TBC1D22A: variants seen among roughly 807,000 people sequenced by gnomAD.
TBC1D22A encodes the protein TBC1 domain family member 22A.
In TBC1D22A, 38 loss-of-function variants were observed where a neutral mutation model predicts 60.2. The ratio of observed to expected loss-of-function variants is 0.63; its 90% CI spans 0.49 to 0.83. The LOEUF is 0.83. Among genes scored for constraint, TBC1D22A ranks in the 40% least tolerant of loss-of-function variants. TBC1D22A has a pLI of 0.00. For synonymous variants in TBC1D22A, 302 were observed against 281.7 expected (o/e 1.07, Z -0.72); for missense variants, 628 against 701.0 (o/e 0.90, Z 1.18).
At chr22:47,090,492 G>A (rs1392277490) in intron 11 of TBC1D22A, among the ~76,000 whole-genome samples, 2 of 152,228 alleles carry the variant, frequency 1.3e-5, no homozygotes, top group African/African-American at 2.4e-5. Flanking sequence ...CAACATGCAT[G>A]CCCTTTACTG....
intron 7 of TBC1D22A, among the ~76,000 whole-genome samples, chr22:46,909,704 A>T (rs2069761978): frequency 1.3e-5 from 2 of 151,600 alleles, no homozygotes; most frequent in South Asian, 4.2e-4. Context: ...CCTGCTCCTG[A>T]CCCTTTTGGG....
intron 8 of TBC1D22A, among the ~76,000 whole-genome samples, chr22:46,941,487 TATATATACAC>T: frequency 7.0e-6 from 1 of 143,736 alleles, no homozygotes; most frequent in Non-Finnish European, 1.5e-5. Flanking sequence ...ATATACGGAA[TATATATACAC>T]GGAATATATA....
At chr22:47,150,572 C>G (rs901732216) in intron 12 of TBC1D22A, among the ~76,000 whole-genome samples, 1 of 152,352 alleles carries the variant, frequency 6.6e-6, no homozygotes, top group Admixed American at 6.5e-5. Flanking sequence ...CGAGCCGCCT[C>G]TGCACCTGGG....
chr22:47,096,461 T>TTATAG, intron 11 of TBC1D22A, among the ~76,000 whole-genome samples: 1 of 152,336 alleles, frequency 6.6e-6, no homozygotes, highest in Non-Finnish European at 1.5e-5. Context: ...GAAATCTTAA[T>TTATAG]TATAGTGTCT....
intron 4 of TBC1D22A, among the ~76,000 whole-genome samples, chr22:46,869,472 G>A (rs747738371): frequency 1.3e-5 from 2 of 152,190 alleles, no homozygotes; most frequent in Admixed American, 6.5e-5. Flanking sequence ...ATTGGCACCC[G>A]CCAATGGGAT....
In TBC1D22A at chr22:47,110,199, G is replaced by A. The variant is rs183329942; in HGVS notation, c.1330-1309G>A. ...GCCATGTGTCTAAATGCCTTTTCTGGCCAGGCACGGTGGCTCACACTTGTA... is the reference window on the plus strand; with the variant it reads ...GCCATGTGTCTAAATGCCTTTTCTGACCAGGCACGGTGGCTCACACTTGTA... On this transcript the variant is annotated intron_variant, in intron 11 of 12. Coordinates refer to ENST00000337137, the MANE Select transcript of TBC1D22A (RefSeq NM_014346.5). 2.4e-3 allele frequency among the ~76,000 whole-genome samples: 363 copies of A among 152,236 alleles called. 2 individuals are homozygous for A. The highest frequency in any genetic ancestry group is 8.2e-3 in the African/African-American group (341 of 41,544).
chr22:46,770,272 C>T (rs1569354715), intron 1 of TBC1D22A, among the ~76,000 whole-genome samples: 1 of 152,214 alleles, frequency 6.6e-6, no homozygotes, highest in Admixed American at 6.5e-5. Flanking sequence ...AGAGCAAGGC[C>T]TTGCTCCTGC....
chr22:47,037,052 C>T lies in TBC1D22A; in HGVS notation c.1202-19C>T, dbSNP rs764789348. ...AGGGCTCCCCTGACAGCCTTGGGGC[C>T]TGTGTTTGTTTTGTGCAGAGCAAGT... On this transcript the variant is annotated intron_variant, in intron 10 of 12. Transcript: ENST00000337137. 3.1e-6 allele frequency: 5 copies of T among 1,612,860 alleles called. No homozygotes were observed. Among genetic ancestry groups the T allele is most frequent in the Non-Finnish European group, 4.2e-6 (5 of 1,179,314 alleles).
At chr22:46,921,751 G>GT (rs201148203) in intron 8 of TBC1D22A, among the ~76,000 whole-genome samples, 5,001 of 145,020 alleles carry the variant, frequency 0.034, 239 homozygotes, top group African/African-American at 0.11. Context: ...CACAGCATCT[G>GT]TTTTTTTTTT....
intron 7 of TBC1D22A, among the ~76,000 whole-genome samples, chr22:46,905,786 G>C (rs5769227): frequency 6.6e-6 from 1 of 152,052 alleles, no homozygotes; most frequent in South Asian, 2.1e-4. Flanking sequence ...ACCTGTGGGC[G>C]GGCAGGAATC....
chr22:47,121,915 T>C (rs1206678815), intron 12 of TBC1D22A, among the ~76,000 whole-genome samples: 1 of 151,640 alleles, frequency 6.6e-6, no homozygotes, highest in Non-Finnish European at 1.5e-5. Flanking sequence ...GCCCCTCGGG[T>C]GTCCTGCCGT....
chr22:46,917,267 A>G (rs576928853), intron 8 of TBC1D22A, among the ~76,000 whole-genome samples: 3 of 152,348 alleles, frequency 2.0e-5, no homozygotes, highest in African/African-American at 7.2e-5. Context: ...GGTCCAGGGC[A>G]TCTTAGAGTT....
chr22:46,875,198 A>T lies in TBC1D22A; in HGVS notation c.638-3455A>T, dbSNP rs575740806. Reference sequence around the variant, plus strand: ...TGTAAACAAGTTGTGGTATATTCTTAGAATACTTTTACTGCTTGTAAAGAA... The same window carrying T: ...TGTAAACAAGTTGTGGTATATTCTTTGAATACTTTTACTGCTTGTAAAGAA... On this transcript the variant is annotated intron_variant, in intron 4 of 12. Coordinates refer to ENST00000337137, the MANE Select transcript of TBC1D22A (RefSeq NM_014346.5). Among the ~76,000 whole-genome samples the T allele has an allele frequency of 1.4e-4, 21 of 152,358 alleles. No individual in the cohort carries two copies. The South Asian group carries it at 4.3e-3, about 32-fold the overall frequency.
chr22:46,913,812 G>A (rs2070140335), intron 8 of TBC1D22A: 1 of 966,422 alleles, frequency 1.0e-6, no homozygotes, highest in South Asian at 4.8e-5. Flanking sequence ...AACTTCTGTT[G>A]TAAGACCTAA....
At chr22:47,023,982 A>G (rs555229125) in intron 10 of TBC1D22A, among the ~76,000 whole-genome samples, 9 of 152,352 alleles carry the variant, frequency 5.9e-5, no homozygotes, top group African/African-American at 2.2e-4. Context: ...AAAACAACCA[A>G]ATGGTTAAAG....
chr22:46,920,873 C>A (rs143380251), intron 8 of TBC1D22A, among the ~76,000 whole-genome samples: 1 of 151,502 alleles, frequency 6.6e-6, no homozygotes, highest in African/African-American at 2.4e-5. Flanking sequence ...TGGGTTCAAG[C>A]GATTCTCCTG....
At chr22:46,893,984 A>G (rs1322193545) in intron 6 of TBC1D22A, among the ~76,000 whole-genome samples, 2 of 152,244 alleles carry the variant, frequency 1.3e-5, no homozygotes, top group Non-Finnish European at 2.9e-5. Context: ...ATGATGTCCC[A>G]GCCTCCTGGG....
chr22:47,007,270 G>A (rs932784991), intron 10 of TBC1D22A, among the ~76,000 whole-genome samples: 6 of 152,192 alleles, frequency 3.9e-5, no homozygotes, highest in Admixed American at 1.3e-4. Context: ...CAGCTGGCTC[G>A]CTGTGCCTAG....
intron 4 of TBC1D22A, among the ~76,000 whole-genome samples, chr22:46,808,354 C>T: frequency 8.3e-6 from 1 of 120,526 alleles, no homozygotes; most frequent in Non-Finnish European, 1.7e-5. Flanking sequence ...TGAGATTCTG[C>T]TTAAAAAAAT....
Sources: allele counts gnomAD v4.1 joint callset (sites outside exome capture counted in the v4.1 genomes callset), GRCh38; gene constraint gnomAD v4.1.1; transcripts MANE v1.5; gene names NCBI Gene and HGNC (gene_info 2026-07-23, HGNC 2026-07-21).